Variants in KAZN observed in about 807,000 individuals in gnomAD.
KAZN encodes kazrin.
Under a neutral mutation model 87.4 loss-of-function variants are expected in KAZN, and 40 were observed. The ratio of observed to expected loss-of-function variants is 0.46; its 90% CI spans 0.36 to 0.60. KAZN has a LOEUF of 0.60. Ranked by LOEUF, KAZN falls within the 20% of genes least tolerant of loss-of-function variation. The pLI is 0.00. For missense variants in KAZN, 898 were observed against 1,073.9 expected, an observed-to-expected ratio of 0.84 and a Z score of 2.29; for synonymous variants, 466 against 458.3, an observed-to-expected ratio of 1.02 and a Z score of -0.22.
At position 14,893,535 on chromosome 1, in the gene KAZN, C is replaced by T. The variant is rs1654947146; in HGVS notation, c.227-67149C>T. Reference sequence around the variant, plus strand: ...AGAGGAAGAGCGCTCGCTGAGACCCCCATCTTCCCTTCCTCCACACCCTAA... The same window carrying T: ...AGAGGAAGAGCGCTCGCTGAGACCCTCATCTTCCCTTCCTCCACACCCTAA... On this transcript the variant is annotated intron_variant, in intron 1 of 14. Coordinates refer to ENST00000376030, the MANE Select transcript of KAZN (RefSeq NM_201628.3). 3.3e-5 allele frequency among the ~76,000 whole-genome samples: 5 copies of T among 151,456 alleles called. No individual in the cohort carries two copies. In the South Asian group the frequency reaches 1.0e-3, roughly 32 times the overall value.
intron 1 of KAZN, among the ~76,000 whole-genome samples, chr1:14,098,144 T>TGTGCTGCCTC (rs1644170533): frequency 6.6e-6 from 1 of 152,154 alleles, no homozygotes; most frequent in South Asian, 2.1e-4. Context: ...CCCCTTGCCT[T>TGTGCTGCCTC]GTGCTGCCTC....
chr1:13,957,523 G>C (rs1253856872), intron 1 of KAZN, among the ~76,000 whole-genome samples: 1 of 152,088 alleles, frequency 6.6e-6, no homozygotes, highest in African/African-American at 2.4e-5. Flanking sequence ...TGGGTAATTT[G>C]CATAGAAAAA....
intron 1 of KAZN, among the ~76,000 whole-genome samples, chr1:14,015,192 A>G (rs2101213954): frequency 6.6e-6 from 1 of 152,284 alleles, no homozygotes; most frequent in African/African-American, 2.4e-5. Flanking sequence ...CTGGTGGCCA[A>G]CATTATGTGT....
At chr1:14,471,943 C>A (rs1322820551) in intron 2 of KAZN, among the ~76,000 whole-genome samples, 2 of 152,174 alleles carry the variant, frequency 1.3e-5, no homozygotes, top group South Asian at 2.1e-4. Context: ...TCACAAAATA[C>A]CTTTGAGTGG....
intron 2 of KAZN, among the ~76,000 whole-genome samples, chr1:14,272,424 A>G (rs929204217): frequency 1.3e-5 from 2 of 152,208 alleles, no homozygotes; most frequent in African/African-American, 4.8e-5. Context: ...ATGAGTCACA[A>G]CTTTATAAAT....
intron 2 of KAZN, among the ~76,000 whole-genome samples, chr1:14,992,321 C>A (rs1047236639): frequency 2.0e-5 from 3 of 152,204 alleles, no homozygotes; most frequent in Non-Finnish European, 4.4e-5. Flanking sequence ...CAGTGGAGGG[C>A]AGACACACCT....
intron 1 of KAZN, among the ~76,000 whole-genome samples, chr1:14,864,226 G>C (rs530017092): frequency 1.3e-5 from 2 of 152,320 alleles, no homozygotes; most frequent in East Asian, 3.9e-4. Flanking sequence ...CTACTGAAAA[G>C]TGAGAAAAGC....
chr1:13,901,062 C>CA lies in KAZN; in HGVS notation c.91+7313dup, dbSNP rs1223949636. On this transcript the variant is annotated intron_variant, in intron 1 of 16. Transcript: ENST00000636203. ...TCATTGAAAAAAAAAAAACAAAAAA[C>CA]AAAAAAAGAAAACCTCAACATTTTT... is the stretch of plus-strand genomic sequence containing the variant. Among the ~76,000 whole-genome samples the CA allele has an allele frequency of 2.3e-4, 35 of 149,898 alleles. 1 individual carries two copies. In the South Asian group the frequency reaches 6.6e-3, roughly 28 times the overall value.
At chr1:14,190,745 A>C (rs1646405544) in intron 2 of KAZN, among the ~76,000 whole-genome samples, 1 of 152,130 alleles carries the variant, frequency 6.6e-6, no homozygotes, top group Non-Finnish European at 1.5e-5. Context: ...CATCCTGCTG[A>C]GTCCCTCCTA....
At chr1:14,924,290 C>T (rs1441264770) in intron 1 of KAZN, 25 of 983,942 alleles carry the variant, frequency 2.5e-5, no homozygotes, top group Non-Finnish European at 3.0e-5. Context: ...GCGGCGACCT[C>T]CGGGTCTGTG....
At chr1:14,472,264 A>G (rs1668498013) in intron 2 of KAZN, among the ~76,000 whole-genome samples, 1 of 152,206 alleles carries the variant, frequency 6.6e-6, no homozygotes, top group Admixed American at 6.5e-5. Flanking sequence ...AAACGTTCAG[A>G]CCATAGCTAA....
chr1:14,677,712 C>G (rs1269866782), intron 1 of KAZN, among the ~76,000 whole-genome samples: 1 of 152,142 alleles, frequency 6.6e-6, no homozygotes, highest in African/African-American at 2.4e-5. Flanking sequence ...ATGGGATTCC[C>G]TTGAGCCTGC....
intron 1 of KAZN, among the ~76,000 whole-genome samples, chr1:14,699,863 G>T (rs1339035709): frequency 6.6e-6 from 1 of 152,208 alleles, no homozygotes; most frequent in Non-Finnish European, 1.5e-5. Flanking sequence ...GATATCATGG[G>T]AAGAGATGTG....
chr1:15,074,777 C>A (rs1018157753), intron 8 of KAZN, among the ~76,000 whole-genome samples: 14 of 152,168 alleles, frequency 9.2e-5, no homozygotes, highest in African/African-American at 3.1e-4. Context: ...TACCTGGTAA[C>A]CTTAGGCAAA....
chr1:13,925,554 G>A (rs866200021), intron 1 of KAZN, among the ~76,000 whole-genome samples: 5 of 152,158 alleles, frequency 3.3e-5, no homozygotes, highest in East Asian at 1.9e-4. Flanking sequence ...GGAATGTCCC[G>A]GTAGGCAATG....
intron 2 of KAZN, among the ~76,000 whole-genome samples, chr1:14,483,303 C>T (rs538444504): frequency 1.3e-5 from 2 of 152,228 alleles, no homozygotes; most frequent in African/African-American, 4.8e-5. Context: ...CCATGCAACC[C>T]TGGAATAACT....
At chr1:15,036,536 G>A (rs903179446) in intron 3 of KAZN, among the ~76,000 whole-genome samples, 13 of 152,076 alleles carry the variant, frequency 8.5e-5, no homozygotes, top group African/African-American at 3.1e-4. Context: ...GAGGGAGGCA[G>A]GGGAGCCCAC....
intron 13 of KAZN, among the ~76,000 whole-genome samples, chr1:15,110,332 T>C (rs1641509069): frequency 6.6e-6 from 1 of 151,734 alleles, no homozygotes. Flanking sequence ...TGTGTGGGCA[T>C]ATTGTATATG....
chr1:14,874,327 G>A (rs184506395), intron 1 of KAZN, among the ~76,000 whole-genome samples: 65 of 152,292 alleles, frequency 4.3e-4, no homozygotes, highest in African/African-American at 1.3e-3. Flanking sequence ...ACATGTGTCC[G>A]GAAGAGAGTG....
Sources: allele counts gnomAD v4.1 joint callset (sites outside exome capture counted in the v4.1 genomes callset), GRCh38; gene constraint gnomAD v4.1.1; transcripts MANE v1.5; gene names NCBI Gene and HGNC (gene_info 2026-07-23, HGNC 2026-07-21).